The following GHR variants were observed in gnomAD, a reference collection of about 807,000 sequenced individuals.
GHR encodes growth hormone receptor.
A neutral mutation model predicts 67.1 loss-of-function variants in GHR; 35 were observed. The ratio of observed to expected loss-of-function variants is 0.52; its 90% CI spans 0.40 to 0.69. The LOEUF (loss-of-function observed/expected upper bound fraction) is 0.69. Ranked by LOEUF, GHR falls within the 30% of genes least tolerant of loss-of-function variation. The pLI is 0.00. For synonymous variants in GHR, 272 were observed against 269.1 expected (o/e 1.01, Z -0.10); for missense variants, 792 against 764.6 (o/e 1.04, Z -0.42).
At chr5:42,486,545 C>T (rs1466469571) in intron 1 of GHR, among the ~76,000 whole-genome samples, 1 of 152,108 alleles carries the variant, frequency 6.6e-6, no homozygotes, top group South Asian at 2.1e-4. Context: ...TTGTAGAGAG[C>T]AAAATTAAGA....
At chr5:42,613,049 A>G (rs1309622618) in intron 2 of GHR, among the ~76,000 whole-genome samples, 1 of 152,116 alleles carries the variant, frequency 6.6e-6, no homozygotes, top group African/African-American at 2.4e-5. Flanking sequence ...ATTATTTCAG[A>G]TAGAGATGTT....
intron 1 of GHR, among the ~76,000 whole-genome samples, chr5:42,440,217 A>G (rs1457809047): frequency 6.6e-6 from 1 of 152,250 alleles, no homozygotes; most frequent in Non-Finnish European, 1.5e-5. Context: ...GCTGCATTTC[A>G]TAGTCTAGGA....
intron 1 of GHR, among the ~76,000 whole-genome samples, chr5:42,517,446 G>T (rs116151811): frequency 1.2e-3 from 189 of 152,230 alleles, no homozygotes; most frequent in African/African-American, 4.1e-3. Flanking sequence ...AAATACTGAA[G>T]GAATGAGTAC....
intron 8 of GHR, among the ~76,000 whole-genome samples, chr5:42,716,158 A>T (rs1462087750): frequency 8.1e-6 from 1 of 123,520 alleles, no homozygotes; most frequent in Non-Finnish European, 1.8e-5. Context: ...ACCAATTTCG[A>T]GATGCAGAAT....
chr5:42,490,392 G>A (rs547861152), intron 1 of GHR, among the ~76,000 whole-genome samples: 2 of 152,264 alleles, frequency 1.3e-5, no homozygotes, highest in Admixed American at 6.5e-5. Flanking sequence ...CTGTACAATC[G>A]AATCCACCTG....
intron 3 of GHR, among the ~76,000 whole-genome samples, chr5:42,634,650 G>A (rs1754087318): frequency 6.6e-6 from 1 of 152,206 alleles, no homozygotes; most frequent in South Asian, 2.1e-4. Flanking sequence ...AAAGGAGAGT[G>A]ATAAAGATAT....
intron 6 of GHR, among the ~76,000 whole-genome samples, chr5:42,704,330 G>A (rs545273715): frequency 8.2e-4 from 125 of 151,906 alleles, no homozygotes; most frequent in African/African-American, 2.9e-3. Context: ...TTTTCGTCTC[G>A]GTTCTGTTAA....
At chr5:42,642,988 G>C (rs1754554123) in intron 3 of GHR, among the ~76,000 whole-genome samples, 1 of 152,116 alleles carries the variant, frequency 6.6e-6, no homozygotes, top group Admixed American at 6.5e-5. Flanking sequence ...ACTGAATGTA[G>C]AGCCTATCCT....
chr5:42,533,662 G>C (rs71625688), intron 1 of GHR, among the ~76,000 whole-genome samples: 1,685 of 151,702 alleles, frequency 0.011, 11 homozygotes, highest in Non-Finnish European at 0.017. Flanking sequence ...TATTGAGAAT[G>C]CTTTTATTAT....
At chr5:42,440,733 G>A (rs79728823) in intron 1 of GHR, among the ~76,000 whole-genome samples, 3,354 of 152,254 alleles carry the variant, frequency 0.022, 122 homozygotes, top group African/African-American at 0.077. Context: ...AGAGGTATTG[G>A]TAGCTTGGAC....
At chr5:42,474,131 G>C (rs961804911) in intron 1 of GHR, among the ~76,000 whole-genome samples, 1 of 150,602 alleles carries the variant, frequency 6.6e-6, no homozygotes, top group African/African-American at 2.5e-5. Context: ...AGAGGTAGTA[G>C]TGAGCCAAGA....
At chr5:42,468,532 CACGAGA>C in intron 1 of GHR, 1 of 808,524 alleles carries the variant, frequency 1.2e-6, no homozygotes, top group Non-Finnish European at 2.0e-6. Flanking sequence ...CTCCTACTGG[CACGAGA>C]ACAATGACCC....
chr5:42,601,034 C>T (rs1022270093), intron 2 of GHR, among the ~76,000 whole-genome samples: 3 of 136,984 alleles, frequency 2.2e-5, no homozygotes, highest in Non-Finnish European at 4.6e-5. Context: ...TCAAGCAATT[C>T]TCCTGTCTCA....
At chr5:42,635,166 A>G (rs1358275162) in intron 3 of GHR, among the ~76,000 whole-genome samples, 1 of 152,180 alleles carries the variant, frequency 6.6e-6, no homozygotes, top group African/African-American at 2.4e-5. Context: ...AATCCCTTTT[A>G]AGGAAACAGT....
At chr5:42,496,748 G>A (rs912630460) in intron 1 of GHR, among the ~76,000 whole-genome samples, 1 of 152,018 alleles carries the variant, frequency 6.6e-6, no homozygotes, top group Non-Finnish European at 1.5e-5. Context: ...TCCCAGTGTA[G>A]GGCATTTACT....
intron 1 of GHR, among the ~76,000 whole-genome samples, chr5:42,439,220 A>G (rs1031389288): frequency 1.3e-5 from 2 of 152,232 alleles, no homozygotes; most frequent in Non-Finnish European, 2.9e-5. Context: ...TAACTGCATT[A>G]TTGAACATAG....
At chr5:42,652,461 C>T (rs557715397) in intron 3 of GHR, among the ~76,000 whole-genome samples, 1 of 152,194 alleles carries the variant, frequency 6.6e-6, no homozygotes, top group East Asian at 1.9e-4. Flanking sequence ...AAATTGGTTA[C>T]TGTGTTAAGA....
intron 4 of GHR, among the ~76,000 whole-genome samples, chr5:42,689,658 A>C (rs1386081709): frequency 6.6e-6 from 1 of 152,208 alleles, no homozygotes; most frequent in Non-Finnish European, 1.5e-5. Flanking sequence ...GAAAAAGGCC[A>C]GCACTGAAGG....
At chr5:42,557,564 A>G (rs953129445) in intron 1 of GHR, among the ~76,000 whole-genome samples, 5 of 152,138 alleles carry the variant, frequency 3.3e-5, no homozygotes, top group Admixed American at 6.6e-5. Context: ...TTTTTTTATT[A>G]AAAAGGGAAA....
Sources: allele counts gnomAD v4.1 joint callset (sites outside exome capture counted in the v4.1 genomes callset), GRCh38; gene constraint gnomAD v4.1.1; transcripts MANE v1.5; gene names NCBI Gene and HGNC (gene_info 2026-07-23, HGNC 2026-07-21).